The following PCDHGB2 variants were observed in gnomAD, a reference collection of about 807,000 sequenced individuals.
The protein encoded by PCDHGB2 is protocadherin gamma subfamily B, 2.
PCDHGB2 carries 55 observed loss-of-function variants against 59.3 expected under a neutral mutation model. The observed-to-expected ratio is 0.93, with a 90% CI of 0.75 to 1.16. The LOEUF (loss-of-function observed/expected upper bound fraction) is 1.16, where lower values mean the gene tolerates loss of function less well. PCDHGB2 is among the 50% of genes most tolerant of loss of function. The pLI, the probability that PCDHGB2 is intolerant of heterozygous loss-of-function variation, is 0.00. For synonymous variants in PCDHGB2, 516 were observed against 512.0 expected, an observed-to-expected ratio of 1.01 and a Z score of -0.11; for missense variants, 1,228 against 1,198.5, an observed-to-expected ratio of 1.02 and a Z score of -0.36.
intron 1 of PCDHGB2, among the ~76,000 whole-genome samples, chr5:141,447,104 A>G (rs1212797996): frequency 2.0e-5 from 3 of 151,958 alleles, no homozygotes; most frequent in African/African-American, 7.3e-5. Flanking sequence ...TCACATGATT[A>G]TATGTGCTCC....
chr5:141,482,102 A>T (rs1016315214), intron 1 of PCDHGB2, among the ~76,000 whole-genome samples: 13 of 151,860 alleles, frequency 8.6e-5, no homozygotes, highest in African/African-American at 2.7e-4. Context: ...AAAAAAAAAA[A>T]AAATATCTAG....
rs757133043 is a variant in PCDHGB2 at position 141,362,275 on chromosome 5, C to T, written c.2140C>T (p.Arg714Cys). 40 of 1,613,924 alleles carry T rather than the reference C, an allele frequency of 2.5e-5. No homozygotes were observed. The highest frequency in any genetic ancestry group is 2.4e-5 in the Non-Finnish European group (28 of 1,179,912). ...CGCGGTGATTCTGGCAATCTCCCTGCGCCTGCGACTCTCTTCCAGGTCAGA... is the reference window on the plus strand; with the variant it reads ...CGCGGTGATTCTGGCAATCTCCCTGTGCCTGCGACTCTCTTCCAGGTCAGA... ...FLAVILAISL[R>C]LRLSSRSDAW... Residue 714 changes from arginine to cysteine, a missense_variant, in exon 1 of 4, where the codon CGC (arginine) becomes TGC (cysteine). Transcript: ENST00000522605.
At chr5:141,410,011 G>A in intron 1 of PCDHGB2, 1 of 1,613,302 alleles carries the variant, frequency 6.2e-7, no homozygotes, top group Non-Finnish European at 8.5e-7. Context: ...ACAACGCCTG[G>A]CTGTCCTACC....
chr5:141,492,851 C>T (rs1289268967), intron 1 of PCDHGB2, among the ~76,000 whole-genome samples: 2 of 152,204 alleles, frequency 1.3e-5, no homozygotes, highest in Non-Finnish European at 2.9e-5. Flanking sequence ...GTGAAAGCCT[C>T]GAGCGCCCTG....
chr5:141,501,025 C>T (rs999221755), intron 2 of PCDHGB2, among the ~76,000 whole-genome samples: 94 of 152,100 alleles, frequency 6.2e-4, no homozygotes, highest in East Asian at 1.9e-3. Flanking sequence ...CGCGCCACCA[C>T]GCCCAGCTAA....
chr5:141,453,848 C>T (rs1045684685), intron 1 of PCDHGB2, among the ~76,000 whole-genome samples: 38 of 152,290 alleles, frequency 2.5e-4, no homozygotes, highest in Non-Finnish European at 4.4e-4. Context: ...GTCCACAGAG[C>T]ACTTTGAAAA....
intron 1 of PCDHGB2, chr5:141,427,083 C>T: frequency 2.2e-6 from 1 of 458,128 alleles, no homozygotes; most frequent in South Asian, 1.5e-5. Flanking sequence ...AGCCACTGAC[C>T]AGGATGAGGG....
In PCDHGB2 at chr5:141,413,348, T is replaced by C. The variant is rs1217580039; in HGVS notation, c.2421+50792T>C. On this transcript the variant is annotated intron_variant, in intron 1 of 3. Transcript: ENST00000522605. The stretch of plus-strand genomic sequence containing the variant: ...GGCAACATCTCCAAGGACTTGGGTC[T>C]GGCGCCCCGGGAGCTGGCGGAGCGC... The C allele has an allele frequency of 1.9e-6, 3 of 1,613,872 alleles. No homozygotes were observed. In the Admixed American group the frequency reaches 5.0e-5, roughly 27 times the overall value.
chr5:141,484,123 T>C (rs2099592351), intron 1 of PCDHGB2, among the ~76,000 whole-genome samples: 1 of 152,174 alleles, frequency 6.6e-6, no homozygotes, highest in South Asian at 2.1e-4. Flanking sequence ...AAGAATACCT[T>C]GGTGTCAGAT....
At chr5:141,421,618 G>A (rs748399893) in intron 1 of PCDHGB2, 1 of 1,613,766 alleles carries the variant, frequency 6.2e-7, no homozygotes, top group African/African-American at 1.3e-5. Context: ...TAATGATAAC[G>A]CCCCCAGCTT....
In PCDHGB2 at chr5:141,490,291, C is replaced by T; in HGVS notation, c.2422-4516C>T. 6.2e-7 allele frequency: 1 copy of T among 1,614,212 alleles called. No homozygotes were observed. Among genetic ancestry groups the T allele is most frequent in the Non-Finnish European group, 8.5e-7 (1 of 1,180,048 alleles). On this transcript the variant is annotated intron_variant, in intron 1 of 3. Transcript: ENST00000522605. The surrounding 1 kb of genome is among the most constrained non-coding windows in gnomAD (Gnocchi z 5.4). ...TGTCAATGACAATGCCCCAGAGGTG[C>T]TATTGGCCTCTTTGGCCAACCCTGT...
chr5:141,418,282 A>C, intron 1 of PCDHGB2: 1 of 1,614,030 alleles, frequency 6.2e-7, no homozygotes, highest in Non-Finnish European at 8.5e-7. Flanking sequence ...TAAACTTAGA[A>C]ATCAGTGAAT....
chr5:141,402,760 G>A (rs2094303871), intron 1 of PCDHGB2, among the ~76,000 whole-genome samples: 1 of 152,176 alleles, frequency 6.6e-6, no homozygotes, highest in African/African-American at 2.4e-5. Flanking sequence ...CGAAAATCAG[G>A]ACTCCATCCG....
intron 1 of PCDHGB2, among the ~76,000 whole-genome samples, chr5:141,458,009 G>T (rs1039110082): frequency 2.6e-5 from 4 of 152,142 alleles, no homozygotes; most frequent in Non-Finnish European, 4.4e-5. Context: ...AAAATAACCG[G>T]TTTTTCCAAT....
intron 1 of PCDHGB2, chr5:141,374,263 G>A: frequency 6.2e-7 from 1 of 1,614,016 alleles, no homozygotes; most frequent in Non-Finnish European, 8.5e-7. Flanking sequence ...AGGAGTTGGC[G>A]GAGCACGGAG....
At chr5:141,480,653 T>C (rs1214823403) in intron 1 of PCDHGB2, among the ~76,000 whole-genome samples, 2 of 152,190 alleles carry the variant, frequency 1.3e-5, no homozygotes, top group Admixed American at 1.3e-4. Context: ...TGGTTGCACA[T>C]TAAAATCACC....
At chr5:141,363,012 T>C (rs1296290865) in intron 1 of PCDHGB2, among the ~76,000 whole-genome samples, 2 of 152,230 alleles carry the variant, frequency 1.3e-5, no homozygotes, top group Non-Finnish European at 2.9e-5. Context: ...TCACAGGGCA[T>C]GGGTAGGACA....
Position 141,489,948 on chromosome 5 carries a change from T to G in PCDHGB2, c.2422-4859T>G. The G allele has an allele frequency of 6.2e-7, 1 of 1,614,210 alleles. No homozygotes were observed. Among genetic ancestry groups the G allele is most frequent in the Non-Finnish European group, 8.5e-7 (1 of 1,180,030 alleles). ...TCTCTGTCATCGTGCTGGACATCAA[T>G]GATAATGCTCCAACCTTCCAATCCT... On this transcript the variant is annotated intron_variant, in intron 1 of 3. Transcript: ENST00000522605. The surrounding 1 kb of genome is among the most constrained non-coding windows in gnomAD (Gnocchi z 4.5).
Position 141,431,431 on chromosome 5 carries a change from C to T in PCDHGB2, c.2422-63376C>T, listed in dbSNP as rs776557037. ...ACGGGGGCGACCCGGTGCGCACAGG[C>T]ACCGCGCGCATCCGCGTGATGGTTC... is the stretch of plus-strand genomic sequence containing the variant. On this transcript the variant is annotated intron_variant, in intron 1 of 3. Transcript: ENST00000522605. This position sits in a 1 kb window ranked among gnomAD's most constrained non-coding sequence, Gnocchi z 4.8. 11 of 1,613,586 alleles carry T rather than the reference C, an allele frequency of 6.8e-6. No individual in the cohort carries two copies. The East Asian group carries it at 1.1e-4, about 16-fold the overall frequency.
Sources: gnomAD v4.1 joint callset for allele counts (sites outside exome capture counted in the v4.1 genomes callset) on GRCh38, gnomAD v4.1.1 for gene constraint, Gnocchi (gnomAD v3.1) non-coding constraint, MANE v1.5 for transcripts, NCBI Gene and HGNC (gene_info 2026-07-23, HGNC 2026-07-21) for gene names.